CAMTA1: variants seen among roughly 807,000 people sequenced by gnomAD.
The protein encoded by CAMTA1 is calmodulin-binding transcription activator 1.
In CAMTA1, 27 loss-of-function variants were observed where a neutral mutation model predicts 170.9. The observed-to-expected ratio is 0.16, with a 90% CI of 0.12 to 0.22. CAMTA1 has a LOEUF of 0.22. Ranked by LOEUF, CAMTA1 falls within the 10% of genes least tolerant of loss-of-function variation. CAMTA1 has a pLI of 1.00. For synonymous variants in CAMTA1, 833 were observed against 891.5 expected, an observed-to-expected ratio of 0.93 and a Z score of 1.17; for missense variants, 1,619 against 2,217.2, an observed-to-expected ratio of 0.73 and a Z score of 5.42.
At chr1:7,422,903 T>C (rs845252) in intron 5 of CAMTA1, among the ~76,000 whole-genome samples, 45,381 of 152,190 alleles carry the variant, frequency 0.3, 7,486 homozygotes, top group Non-Finnish European at 0.36. Flanking sequence ...TTGCAAACCT[T>C]TGATGGATTT....
chr1:7,445,106 G>A (rs374823686), intron 5 of CAMTA1, among the ~76,000 whole-genome samples: 1 of 151,842 alleles, frequency 6.6e-6, no homozygotes, highest in Non-Finnish European at 1.5e-5. Flanking sequence ...TGGGAGGGGT[G>A]CCTCAAGGGG....
chr1:7,043,428 C>T (rs1329597734), intron 3 of CAMTA1, among the ~76,000 whole-genome samples: 1 of 152,100 alleles, frequency 6.6e-6, no homozygotes, highest in African/African-American at 2.4e-5. Flanking sequence ...TAGTGCTGTC[C>T]ACCTACAGCT....
chr1:7,664,829 G>C lies in CAMTA1; in HGVS notation c.2282G>C (p.Ser761Thr). ...GGCAACGCCTCCAACATGGAGCTCA[G>C]CCTGGACCACTTTGACATCTCCTTC... ...SLGNASNMEL[S>T]LDHFDISFSN... The change falls in exon 9 of 23, where the codon AGC becomes ACC. Residue 761 changes from serine (S) to threonine (T), a missense_variant. Coordinates refer to ENST00000303635, the MANE Select transcript of CAMTA1 (RefSeq NM_015215.4). The C allele has an allele frequency of 1.2e-6, 2 of 1,613,564 alleles. No homozygotes were observed. The highest frequency in any genetic ancestry group is 1.7e-6 in the Non-Finnish European group (2 of 1,180,028).
chr1:6,808,115 G>A (rs1644735114), intron 1 of CAMTA1, among the ~76,000 whole-genome samples: 1 of 151,908 alleles, frequency 6.6e-6, no homozygotes. Flanking sequence ...GAATTCATGT[G>A]CATATGGGTA....
At chr1:7,422,875 G>A (rs1023753111) in intron 5 of CAMTA1, among the ~76,000 whole-genome samples, 1 of 152,350 alleles carries the variant, frequency 6.6e-6, no homozygotes, top group Admixed American at 6.5e-5. Context: ...AGACTGGCCC[G>A]TGGATGCGAG....
At position 6,860,945 on chromosome 1, in the gene CAMTA1, A is replaced by C. The variant is rs150209016; in HGVS notation, c.234+35735A>C. ...AAAACAAAAAAACCAAAAAACTGTC[A>C]GAAGTGGAGTGTGACTTACTTTTTT... On this transcript the variant is annotated intron_variant, in intron 3 of 22. Transcript: ENST00000303635. Among the ~76,000 whole-genome samples, 1,168 of 150,562 alleles carry C rather than the reference A, an allele frequency of 7.8e-3. 15 individuals carry two copies. Among genetic ancestry groups the C allele is most frequent in the African/African-American group, 0.027 (1,109 of 41,044 alleles).
intron 3 of CAMTA1, among the ~76,000 whole-genome samples, chr1:6,852,012 C>CAAAAAAAAA (rs71280861): frequency 1.1e-5 from 1 of 90,644 alleles, no homozygotes; most frequent in African/African-American, 4.2e-5. Flanking sequence ...ACTCTATCTC[C>CAAAAAAAAA]AAAAAAAAAA....
rs142413008 is a variant in CAMTA1, at chr1:7,352,889, G to A, written c.438+103263G>A. Among the ~76,000 whole-genome samples the A allele has an allele frequency of 7.5e-3, 1,142 of 152,360 alleles. 9 individuals are homozygous for A. Among genetic ancestry groups the A allele is most frequent in the Middle Eastern group, 0.024 (7 of 294 alleles). On this transcript the variant is annotated intron_variant, in intron 5 of 22. Transcript: ENST00000303635. ...TGAAAGCTCTTCCCACTCCGTGTGA[G>A]CCAGCCTCATCGAGGAACAGAGGGA...
chr1:6,823,790 A>G (rs1174944805), intron 2 of CAMTA1, among the ~76,000 whole-genome samples: 2 of 152,182 alleles, frequency 1.3e-5, no homozygotes, highest in Admixed American at 6.5e-5. Context: ...GCCGTAGTAA[A>G]TAACTGGAAA....
At chr1:6,922,439 A>C (rs1348868287) in intron 3 of CAMTA1, among the ~76,000 whole-genome samples, 1 of 152,148 alleles carries the variant, frequency 6.6e-6, no homozygotes, top group African/African-American at 2.4e-5. Context: ...GCAGTCAGAT[A>C]GTGGCTGGGC....
At chr1:6,927,542 G>A (rs1232668697) in intron 3 of CAMTA1, among the ~76,000 whole-genome samples, 3 of 152,232 alleles carry the variant, frequency 2.0e-5, no homozygotes, top group Admixed American at 6.5e-5. Context: ...CTGGACAACT[G>A]TAAAATCCTG....
chr1:6,845,531 G>A (rs1248466932), intron 3 of CAMTA1, among the ~76,000 whole-genome samples: 5 of 152,140 alleles, frequency 3.3e-5, no homozygotes, highest in African/African-American at 1.2e-4. Flanking sequence ...TTAAGTGAGT[G>A]GACTTTATGA....
At chr1:7,080,152 A>G (rs1639822632) in intron 3 of CAMTA1, among the ~76,000 whole-genome samples, 1 of 152,210 alleles carries the variant, frequency 6.6e-6, no homozygotes, top group Admixed American at 6.5e-5. Flanking sequence ...ATGAAGTAAT[A>G]CCTATAGATT....
chr1:7,731,528 C>T (rs905553293), intron 11 of CAMTA1, among the ~76,000 whole-genome samples: 3 of 149,534 alleles, frequency 2.0e-5, no homozygotes, highest in Non-Finnish European at 3.0e-5. Context: ...GCTGAGATTG[C>T]GCCATTGCAC....
chr1:7,030,392 A>G (rs1702620945), intron 3 of CAMTA1, among the ~76,000 whole-genome samples: 2 of 152,172 alleles, frequency 1.3e-5, no homozygotes, highest in South Asian at 4.1e-4. Context: ...ACGTTTTATT[A>G]TACAATAACC....
chr1:6,880,383 GTTTTTTTTTTTTT>G (rs34745856), intron 3 of CAMTA1, among the ~76,000 whole-genome samples: 2 of 67,194 alleles, frequency 3.0e-5, no homozygotes, highest in African/African-American at 1.2e-4. Context: ...CTCTAAAAGT[GTTTTTTTTTTTTT>G]TTTTTTTTTT....
chr1:7,420,617 C>G (rs1324766698), intron 5 of CAMTA1, among the ~76,000 whole-genome samples: 1 of 152,132 alleles, frequency 6.6e-6, no homozygotes, highest in Non-Finnish European at 1.5e-5. Context: ...TGCGATGTGT[C>G]TTGGCTCTGT....
In CAMTA1 at chr1:7,706,337, C is replaced by A. The variant is rs199690281; in HGVS notation, c.2915-26111C>A. On this transcript the variant is annotated intron_variant, in intron 11 of 22. Transcript: ENST00000303635. ...TTTTTTCCACCAGTGAGGCCAACCC[C>A]TGACTTTTTAAAATTGTGCTCCCAA... Among the ~76,000 whole-genome samples, 10 of 152,302 alleles carry A rather than the reference C, an allele frequency of 6.6e-5. No homozygotes were observed. In the East Asian group the frequency reaches 1.9e-3, roughly 29 times the overall value.
chr1:7,108,015 A>G (rs1643779759), intron 4 of CAMTA1, among the ~76,000 whole-genome samples: 1 of 152,136 alleles, frequency 6.6e-6, no homozygotes, highest in African/African-American at 2.4e-5. Flanking sequence ...GACATTTGAC[A>G]ATGTCTGGAG....
Sources: gnomAD v4.1 joint callset for allele counts (sites outside exome capture counted in the v4.1 genomes callset) on GRCh38, gnomAD v4.1.1 for gene constraint, MANE v1.5 for transcripts, NCBI Gene and HGNC (gene_info 2026-07-23, HGNC 2026-07-21) for gene names.